SULT1C4: variants seen among roughly 807,000 people sequenced by gnomAD.
The protein encoded by SULT1C4 is sulfotransferase 1C4.
Under a neutral mutation model 34.8 loss-of-function variants are expected in SULT1C4, and 32 were observed. That is an observed-to-expected ratio of 0.92 (90% CI 0.69 to 1.23). The LOEUF is 1.23. SULT1C4 is among the 50% of genes most tolerant of loss of function. SULT1C4 has a pLI of 0.00. For missense variants in SULT1C4, 375 were observed against 365.9 expected (o/e 1.02, Z -0.20); for synonymous variants, 111 against 120.5 (o/e 0.92, Z 0.51).
chr2:108,382,655 G>C (rs1028782785), intron 3 of SULT1C4, 173 bp downstream of exon 3: 3 of 589,630 alleles, frequency 5.1e-6, no homozygotes, highest in African/African-American at 1.9e-5. Context: ...TGTAATCACA[G>C]CATTTTGGGA....
intron 5 of SULT1C4, among the ~76,000 whole-genome samples, chr2:108,384,529 T>TA (rs1678519739): frequency 1.3e-5 from 2 of 152,338 alleles, no homozygotes; most frequent in Admixed American, 1.3e-4. Context: ...GCCCAGCCAA[T>TA]AGCTTTAAGA....
rs750067524 is a variant in SULT1C4 at position 108,381,959 on chromosome 2, C to T, written c.295+72C>T. ...GGATTTTTACTGTCTTTGCACCTTT[C>T]GAAATTATAGGCTTTCAAACAATTA... On this transcript the variant is annotated intron_variant, in intron 2 of 6. Coordinates refer to ENST00000272452, the MANE Select transcript of SULT1C4 (RefSeq NM_006588.4). 4.9e-5 allele frequency: 67 copies of T among 1,375,636 alleles called. 1 individual carries two copies. In the South Asian group the frequency reaches 5.3e-4, roughly 11 times the overall value. The allele number at this position is 1,375,636 out of a possible 1,614,324, so 85.2% of individuals were successfully genotyped here.
rs1210916355 is a variant in SULT1C4 at position 108,386,407 on chromosome 2, G to T, written c.796+35G>T. 4 of 1,351,006 alleles carry T rather than the reference G, an allele frequency of 3.0e-6. No individual in the cohort carries two copies. In the South Asian group the frequency reaches 8.9e-5, roughly 30 times the overall value. The allele number at this position is 1,351,006 out of a possible 1,614,324, so 83.7% of individuals were successfully genotyped here. On this transcript the variant is annotated intron_variant, in intron 6 of 6. Coordinates refer to ENST00000272452, the MANE Select transcript of SULT1C4 (RefSeq NM_006588.4). ...GTTTATTTTCATTATAATCTTAAAA[G>T]AACTGTCAAATATTTTAAAGCATTT...
Position 108,378,465 on chromosome 2 carries a change from C to A in SULT1C4, c.128C>A (p.Ala43Asp), listed in dbSNP as rs1051707057. The change falls in exon 1 of 7, where the codon GCC becomes GAC. Residue 43 changes from alanine to aspartate, a missense_variant. Physicochemically the swap from Ala to Asp is moderately radical, Grantham distance 126. Transcript: ENST00000272452. The stretch of plus-strand genomic sequence containing the variant: ...TGGGATAAGATCTGGAACTTCCAAG[C>A]CAAGCCTGATGACCTGCTTATTTCT... ...DIWDKIWNFQ[A>D]KPDDLLISTY... 11 of 1,613,982 alleles carry A rather than the reference C, an allele frequency of 6.8e-6. No individual in the cohort carries two copies. In the Admixed American group the frequency reaches 8.3e-5, roughly 12 times the overall value.
chr2:108,380,870 T>G (rs572978385), intron 1 of SULT1C4, among the ~76,000 whole-genome samples: 1 of 152,320 alleles, frequency 6.6e-6, no homozygotes, highest in South Asian at 2.1e-4. Flanking sequence ...TGCATCTCAC[T>G]GGAGGGATCT....
intron 2 of SULT1C4, 110 bp from the exon 3 acceptor site, chr2:108,382,275 A>C: frequency 1.2e-6 from 1 of 866,328 alleles, no homozygotes. Context: ...TACAGTTACA[A>C]TGTTCTTATA....
intron 2 of SULT1C4, 178 bp from the exon 3 acceptor site, chr2:108,382,207 G>A (rs1015666494): frequency 1.6e-6 from 1 of 639,210 alleles, no homozygotes; most frequent in African/African-American, 1.8e-5. Context: ...TTATGGTTAG[G>A]AATTGTTCTA....
chr2:108,382,483 G>A lies in SULT1C4; in HGVS notation c.393+1G>A, dbSNP rs1272772629. On this transcript the variant is annotated splice_donor_variant, in intron 3 of 6. Coordinates refer to ENST00000272452, the MANE Select transcript of SULT1C4 (RefSeq NM_006588.4). LOFTEE classifies it high-confidence loss of function. ...ATCCTTGCTAGAGAAAAACTGTAAG[G>A]TAAAAAAGCAAAAGGAATTCAGAGT... 1 of 1,613,308 alleles carries A rather than the reference G, an allele frequency of 6.2e-7. No individual in the cohort carries two copies. The highest frequency in any genetic ancestry group is 2.2e-5 in the East Asian group (1 of 44,884).
intron 1 of SULT1C4, among the ~76,000 whole-genome samples, chr2:108,380,345 T>C (rs1678353137): frequency 2.0e-5 from 3 of 151,436 alleles, no homozygotes; most frequent in South Asian, 2.1e-4. Context: ...GAGACTCCTA[T>C]GTACAAAAAA....
At chr2:108,379,437 T>G (rs1448781254) in intron 1 of SULT1C4, among the ~76,000 whole-genome samples, 2 of 152,180 alleles carry the variant, frequency 1.3e-5, no homozygotes, top group African/African-American at 2.4e-5. Flanking sequence ...AGGATCAAAT[T>G]TTTCTGAATG....
rs1300147237 is a variant in SULT1C4, at chr2:108,385,572, T to C, written c.616-620T>C. Among the ~76,000 whole-genome samples the C allele has an allele frequency of 3.3e-5, 5 of 152,138 alleles. No individual in the cohort carries two copies. The East Asian group carries it at 9.6e-4, about 29-fold the overall frequency. ...TTCCACTTTCCTTCCCCACCCGCCC[T>C]CTGCTCCTAGAGATGGAGGCGTCCC... On this transcript the variant is annotated intron_variant, in intron 5 of 6. Transcript: ENST00000272452.
intron 1 of SULT1C4, among the ~76,000 whole-genome samples, chr2:108,379,128 T>C (rs1202584708): frequency 6.6e-6 from 1 of 152,170 alleles, no homozygotes; most frequent in African/African-American, 2.4e-5. Flanking sequence ...TCTATAAATA[T>C]TTTTGCATAT....
Position 108,383,299 on chromosome 2 carries a change from C to T in SULT1C4, c.520+80C>T, listed in dbSNP as rs951854489. On this transcript the variant is annotated intron_variant, in intron 4 of 6. Transcript: ENST00000272452. ...GAAGGAAAGAATCTTTTCTTTTGAC[C>T]AGCAGGGGCTCTGCCTTCTTTAATG... 3.8e-6 allele frequency: 6 copies of T among 1,588,506 alleles called. No individual in the cohort carries two copies. In the African/African-American group the frequency reaches 6.8e-5, roughly 18 times the overall value.
At position 108,386,436 on chromosome 2, in the gene SULT1C4, G is replaced by T. The variant is rs190765640; in HGVS notation, c.796+64G>T. ...TGTCAAATATTTTAAAGCATTTGAG[G>T]AGTTTTCTTTCCTGTGTCTAGGAAA... is the stretch of plus-strand genomic sequence containing the variant. On this transcript the variant is annotated intron_variant, in intron 6 of 6. Coordinates refer to ENST00000272452, the MANE Select transcript of SULT1C4 (RefSeq NM_006588.4). 339 of 1,231,210 alleles carry T rather than the reference G, an allele frequency of 2.8e-4. 1 individual carries two copies. In the African/African-American group the frequency reaches 5.0e-3, roughly 18 times the overall value. 76.3% of individuals were successfully genotyped at this position (1,231,210 alleles called of 1,614,324 possible).
chr2:108,382,004 TG>T (rs1371703435), intron 2 of SULT1C4, 117 bp downstream of exon 2: 58 of 1,223,312 alleles, frequency 4.7e-5, no homozygotes, highest in Non-Finnish European at 6.1e-5. Context: ...TTCATGGTTT[TG>T]TCTTTTTTTA....
intron 5 of SULT1C4, among the ~76,000 whole-genome samples, chr2:108,384,518 C>T (rs527316903): frequency 6.6e-6 from 1 of 152,200 alleles, no homozygotes; most frequent in Non-Finnish European, 1.5e-5. Flanking sequence ...TGAGCCACCA[C>T]GCCCAGCCAA....
In SULT1C4 at chr2:108,378,469, G is replaced by T. The variant is rs1429191256; in HGVS notation, c.132G>T (p.Lys44Asn). The part of the protein sequence containing the change: ...IWDKIWNFQA[K>N]PDDLLISTYP... ...ATAAGATCTGGAACTTCCAAGCCAAGCCTGATGACCTGCTTATTTCTACCT... is the reference window on the plus strand; with the variant it reads ...ATAAGATCTGGAACTTCCAAGCCAATCCTGATGACCTGCTTATTTCTACCT... Residue 44 changes from lysine (K) to asparagine (N), a missense_variant, in exon 1 of 7, where the codon AAG (lysine) becomes AAT (asparagine). Physicochemically the swap from Lys to Asn is moderately conservative, Grantham distance 94 (BLOSUM62 0). Transcript: ENST00000272452. 30 of 1,614,062 alleles carry T rather than the reference G, an allele frequency of 1.9e-5. No homozygotes were observed. The East Asian group carries it at 6.5e-4, about 35-fold the overall frequency.
intron 3 of SULT1C4, chr2:108,382,811 G>T (rs1678445894): frequency 2.9e-6 from 1 of 344,320 alleles, no homozygotes. Flanking sequence ...GCTGAGGCAG[G>T]AGACTCGCTT....
At chr2:108,385,163 T>C (rs1201935784) in intron 5 of SULT1C4, among the ~76,000 whole-genome samples, 1 of 152,206 alleles carries the variant, frequency 6.6e-6, no homozygotes, top group East Asian at 1.9e-4. Context: ...GTTTACTTTG[T>C]TTTTACTTGG....
Sources: allele counts gnomAD v4.1 joint callset (sites outside exome capture counted in the v4.1 genomes callset), GRCh38; gene constraint gnomAD v4.1.1; transcripts MANE v1.5; gene names NCBI Gene and HGNC (gene_info 2026-07-23, HGNC 2026-07-21).